ARHGAP26: variants seen among roughly 807,000 people sequenced by gnomAD.
The protein encoded by ARHGAP26 is Rho GTPase activating protein 26, also known as rho GTPase-activating protein 26.
In ARHGAP26, 38 loss-of-function variants were observed where a neutral mutation model predicts 104.8. The ratio of observed to expected loss-of-function variants is 0.36; its 90% CI spans 0.28 to 0.48. The LOEUF (loss-of-function observed/expected upper bound fraction) is 0.48, where lower values mean the gene tolerates loss of function less well. Ranked by LOEUF, ARHGAP26 falls within the 20% of genes least tolerant of loss-of-function variation. The pLI is 0.99. For synonymous variants in ARHGAP26, 341 were observed against 340.0 expected, an observed-to-expected ratio of 1.00 and a Z score of -0.03; for missense variants, 704 against 947.9, an observed-to-expected ratio of 0.74 and a Z score of 3.38.
At chr5:142,922,139 TCTCTTTC>T (rs1441055103) in intron 10 of ARHGAP26, 1 of 152,244 alleles carries the variant, frequency 6.6e-6, no homozygotes, top group Admixed American at 6.5e-5. Context: ...TGTTATGCCC[TCTCTTTC>T]CAATTTATGG....
At chr5:143,193,127 C>CG (rs1806187289) in intron 20 of ARHGAP26, among the ~76,000 whole-genome samples, 1 of 152,046 alleles carries the variant, frequency 6.6e-6, no homozygotes, top group Non-Finnish European at 1.5e-5. Context: ...TCCTGCTCCC[C>CG]GGGACAGGAA....
At chr5:142,822,044 G>C (rs184145248) in intron 1 of ARHGAP26, among the ~76,000 whole-genome samples, 7 of 152,336 alleles carry the variant, frequency 4.6e-5, no homozygotes, top group Admixed American at 2.0e-4. Context: ...CCATAAAGCT[G>C]TTCTTCTAAG....
chr5:143,092,593 A>C (rs895969814), intron 17 of ARHGAP26, among the ~76,000 whole-genome samples: 7 of 152,246 alleles, frequency 4.6e-5, no homozygotes, highest in African/African-American at 7.2e-5. Context: ...GCTTTTCCAA[A>C]GTGAACTTCC....
At chr5:143,063,386 C>T (rs974063561) in intron 17 of ARHGAP26, among the ~76,000 whole-genome samples, 1 of 152,144 alleles carries the variant, frequency 6.6e-6, no homozygotes, top group Non-Finnish European at 1.5e-5. Context: ...GCATGTTGTG[C>T]TTCCAGGGAA....
At chr5:142,981,238 G>A (rs1312431519) in intron 11 of ARHGAP26, among the ~76,000 whole-genome samples, 3 of 152,224 alleles carry the variant, frequency 2.0e-5, no homozygotes, top group Admixed American at 2.0e-4. Flanking sequence ...CTACCCACTA[G>A]TATGGTATTA....
At chr5:142,876,929 G>A (rs1396084153) in intron 3 of ARHGAP26, among the ~76,000 whole-genome samples, 2 of 152,074 alleles carry the variant, frequency 1.3e-5, no homozygotes, top group South Asian at 2.1e-4. Flanking sequence ...TGGCAGCAGT[G>A]GGGGTTGGTG....
At chr5:142,834,195 C>T (rs1391436012) in intron 1 of ARHGAP26, among the ~76,000 whole-genome samples, 3 of 152,178 alleles carry the variant, frequency 2.0e-5, no homozygotes, top group Admixed American at 6.5e-5. Context: ...GAAAAGTACA[C>T]AGCTCAGAAA....
chr5:143,215,686 G>C (rs1810235224), intron 22 of ARHGAP26, among the ~76,000 whole-genome samples: 2 of 152,124 alleles, frequency 1.3e-5, no homozygotes, highest in African/African-American at 2.4e-5. Flanking sequence ...CTCTAGATTT[G>C]CCTGCTCCGG....
chr5:142,957,397 G>T (rs1769432379), intron 11 of ARHGAP26, among the ~76,000 whole-genome samples: 1 of 152,090 alleles, frequency 6.6e-6, no homozygotes, highest in Non-Finnish European at 1.5e-5. Flanking sequence ...TGATTATTAT[G>T]TTATTTTTCA....
At chr5:142,806,514 T>G (rs1217929229) in intron 1 of ARHGAP26, among the ~76,000 whole-genome samples, 1 of 151,396 alleles carries the variant, frequency 6.6e-6, no homozygotes, top group African/African-American at 2.4e-5. Context: ...TGTGTTTAGT[T>G]TAAGTTGGTT....
At chr5:142,907,677 T>G (rs371692741) in intron 8 of ARHGAP26, 27 bp from the exon 9 acceptor site, 7 of 1,519,484 alleles carry the variant, frequency 4.6e-6, no homozygotes, top group Non-Finnish European at 6.4e-6. Flanking sequence ...AATGTATAGA[T>G]ATTTTATGGG....
At chr5:143,014,183 C>A in intron 12 of ARHGAP26, 67 bp downstream of exon 12, 1 of 1,576,154 alleles carries the variant, frequency 6.3e-7, no homozygotes, top group Non-Finnish European at 8.7e-7. Context: ...AGTTGCTACT[C>A]CAGGTGTGAA....
intron 19 of ARHGAP26, among the ~76,000 whole-genome samples, chr5:143,137,016 C>T (rs1329816393): frequency 6.6e-6 from 1 of 152,184 alleles, no homozygotes; most frequent in African/African-American, 2.4e-5. Context: ...AGCCACATAG[C>T]TCATGCACTG....
chr5:143,214,130 G>C, intron 22 of ARHGAP26, 42 bp downstream of exon 22: 1 of 292,554 alleles, frequency 3.4e-6, no homozygotes, highest in East Asian at 8.4e-5. Flanking sequence ...GCGGGGGGCG[G>C]GGGCAAGGGG....
chr5:142,988,484 G>T (rs6884972), intron 11 of ARHGAP26, among the ~76,000 whole-genome samples: 9 of 151,628 alleles, frequency 5.9e-5, no homozygotes, highest in African/African-American at 4.8e-5. Context: ...TTGTGTCTCT[G>T]TCTCCTCCAG....
At chr5:143,067,011 T>A (rs939205977) in intron 17 of ARHGAP26, among the ~76,000 whole-genome samples, 2 of 151,540 alleles carry the variant, frequency 1.3e-5, no homozygotes, top group South Asian at 4.2e-4. Flanking sequence ...CCATGGAGGT[T>A]ACCTCCCCCT....
chr5:143,220,489 G>A (rs1811000001), intron 22 of ARHGAP26, among the ~76,000 whole-genome samples: 1 of 152,226 alleles, frequency 6.6e-6, no homozygotes, highest in Non-Finnish European at 1.5e-5. Flanking sequence ...GTTGTCACCA[G>A]TATGAAGTGC....
chr5:142,936,976 G>A (rs535680721), intron 11 of ARHGAP26, among the ~76,000 whole-genome samples: 6 of 152,156 alleles, frequency 3.9e-5, no homozygotes, highest in Non-Finnish European at 7.4e-5. Flanking sequence ...GATGCAATGC[G>A]GAAAGCATAC....
At chr5:142,947,234 GAGCTTTATCTC>G (rs1209926712) in intron 11 of ARHGAP26, 2 of 151,668 alleles carry the variant, frequency 1.3e-5, no homozygotes, top group Non-Finnish European at 2.9e-5. Flanking sequence ...AATCTAAAGA[GAGCTTTATCTC>G]AGCCAAACTA....
Sources: gnomAD v4.1 joint callset for allele counts (sites outside exome capture counted in the v4.1 genomes callset) on GRCh38, gnomAD v4.1.1 for gene constraint, MANE v1.5 for transcripts, NCBI Gene and HGNC (gene_info 2026-07-23, HGNC 2026-07-21) for gene names.